SOS2: variants seen among roughly 807,000 people sequenced by gnomAD.
SOS2 encodes SOS Ras/Rho guanine nucleotide exchange factor 2.
SOS2 carries 65 observed loss-of-function variants against 148.2 expected under a neutral mutation model. The observed-to-expected ratio is 0.44, with a 90% confidence interval of 0.36 to 0.54. The LOEUF is 0.54. Among genes scored for constraint, SOS2 ranks in the 20% least tolerant of loss-of-function variants. The pLI, the probability that SOS2 is intolerant of heterozygous loss-of-function variation, is 0.00. For missense variants in SOS2, 1,341 were observed against 1,590.2 expected, an observed-to-expected ratio of 0.84 and a Z score of 2.67; for synonymous variants, 539 against 537.1, an observed-to-expected ratio of 1.00 and a Z score of -0.05.
chr14:50,178,670 GCATATATATATA>G (rs1472662654), intron 7 of SOS2, among the ~76,000 whole-genome samples: 2,803 of 67,954 alleles, frequency 0.041, 132 homozygotes, highest in African/African-American at 0.084. Context: ...GTGTGTGTGT[GCATATATATATA>G]TATATATATA....
At chr14:50,216,254 G>A (rs532002576) in intron 1 of SOS2, among the ~76,000 whole-genome samples, 14 of 151,436 alleles carry the variant, frequency 9.2e-5, no homozygotes, top group African/African-American at 2.7e-4. Context: ...GCACCATCAC[G>A]CCCAGCTAAT....
At chr14:50,226,367 A>T (rs1457351763) in intron 1 of SOS2, among the ~76,000 whole-genome samples, 1 of 152,178 alleles carries the variant, frequency 6.6e-6, no homozygotes, top group African/African-American at 2.4e-5. Flanking sequence ...ATTTTCTCAG[A>T]TCACCCTGTA....
chr14:50,173,089 G>A (rs1473847612), intron 8 of SOS2, among the ~76,000 whole-genome samples: 1 of 151,996 alleles, frequency 6.6e-6, no homozygotes, highest in Non-Finnish European at 1.5e-5. Context: ...TCCTATCTCA[G>A]CCTCCCAAGT....
chr14:50,178,173 C>A (rs1885587627), intron 7 of SOS2, among the ~76,000 whole-genome samples: 1 of 152,146 alleles, frequency 6.6e-6, no homozygotes, highest in Non-Finnish European at 1.5e-5. Context: ...CTGTAATCCC[C>A]AATTTTGGAG....
chr14:50,170,645 C>T (rs996902988), intron 8 of SOS2, among the ~76,000 whole-genome samples: 2 of 151,922 alleles, frequency 1.3e-5, no homozygotes, highest in Admixed American at 6.6e-5. Flanking sequence ...TGCATTCCAG[C>T]CTGGGTAACA....
At position 50,190,073 on chromosome 14, in the gene SOS2, G is replaced by C. The variant is rs1334581950; in HGVS notation, c.511-1373C>G. The stretch of plus-strand genomic sequence containing the variant: ...TCACCATGTTATTCAGGCTGGTCTC[G>C]AGCTTCTGACTTCAAGTGATCCACC... On this transcript the variant is annotated intron_variant, in intron 4 of 22. Transcript: ENST00000216373. Among the ~76,000 whole-genome samples the C allele has an allele frequency of 2.0e-5, 3 of 151,518 alleles. No individual in the cohort carries two copies. In the East Asian group the frequency reaches 5.8e-4, roughly 29 times the overall value.
intron 4 of SOS2, among the ~76,000 whole-genome samples, chr14:50,191,962 G>A (rs1004600321): frequency 2.6e-5 from 4 of 151,166 alleles, no homozygotes; most frequent in African/African-American, 9.7e-5. Context: ...ACCAGCCTGG[G>A]CAACAAAGAG....
intron 7 of SOS2, among the ~76,000 whole-genome samples, chr14:50,177,216 A>C (rs1190099711): frequency 6.6e-6 from 1 of 152,128 alleles, no homozygotes; most frequent in Admixed American, 6.6e-5. Flanking sequence ...GTCACTCAAG[A>C]GGCTAAGGCA....
At chr14:50,171,414 G>A (rs537412103) in intron 8 of SOS2, among the ~76,000 whole-genome samples, 8 of 152,058 alleles carry the variant, frequency 5.3e-5, no homozygotes, top group South Asian at 2.1e-4. Context: ...AGCCAGGCGC[G>A]GTGGCTCACC....
chr14:50,120,144 A>G (rs565440560), intron 22 of SOS2, 131 bp downstream of exon 22: 2 of 581,386 alleles, frequency 3.4e-6, no homozygotes, highest in South Asian at 4.7e-5. Flanking sequence ...GTATTTTTCA[A>G]ATATAACAAC....
At chr14:50,194,196 A>G (rs1886244848) in intron 4 of SOS2, among the ~76,000 whole-genome samples, 1 of 152,218 alleles carries the variant, frequency 6.6e-6, no homozygotes, top group Admixed American at 6.5e-5. Context: ...AACATAGCCC[A>G]TGCTCATTCA....
chr14:50,192,421 T>C (rs930801507), intron 4 of SOS2, among the ~76,000 whole-genome samples: 13 of 151,484 alleles, frequency 8.6e-5, no homozygotes, highest in Admixed American at 6.6e-4. Context: ...CCAGGCATGG[T>C]AGCACGCACC....
intron 19 of SOS2, among the ~76,000 whole-genome samples, chr14:50,132,281 C>T (rs1183937642): frequency 6.9e-6 from 1 of 143,932 alleles, no homozygotes; most frequent in East Asian, 2.1e-4. Flanking sequence ...CCTTGGGAGG[C>T]TGAGGCAGGA....
chr14:50,193,554 T>C (rs1204171147), intron 4 of SOS2, among the ~76,000 whole-genome samples: 1 of 152,264 alleles, frequency 6.6e-6, no homozygotes, highest in South Asian at 2.1e-4. Flanking sequence ...GAAATAGGGT[T>C]GATTCTCAAG....
chr14:50,189,215 C>A lies in SOS2; in HGVS notation c.511-515G>T, dbSNP rs543943264. Among the ~76,000 whole-genome samples the A allele has an allele frequency of 1.3e-4, 19 of 147,200 alleles. No homozygotes were observed. The South Asian group carries it at 3.8e-3, about 30-fold the overall frequency. On this transcript the variant is annotated intron_variant, in intron 4 of 22. Coordinates refer to ENST00000216373, the MANE Select transcript of SOS2 (RefSeq NM_006939.4). ...AAGGTGGGAAATATTCAAATAAAAT[C>A]GAGTATGGCAAAATAAATATTTCTG...
intron 22 of SOS2, among the ~76,000 whole-genome samples, chr14:50,119,226 C>G (rs1883415806): frequency 6.6e-6 from 1 of 152,212 alleles, no homozygotes; most frequent in African/African-American, 2.4e-5. Flanking sequence ...TCTACTGCTA[C>G]TTTCTCCAGT....
chr14:50,147,881 G>A (rs1566826817), intron 14 of SOS2, among the ~76,000 whole-genome samples: 1 of 152,140 alleles, frequency 6.6e-6, no homozygotes, highest in Non-Finnish European at 1.5e-5. Flanking sequence ...CAGCACCTGG[G>A]AGGCCAAGGC....
Position 50,159,600 on chromosome 14 carries a change from A to G in SOS2, c.1683T>C (p.Asn561=). Reference sequence around the variant, plus strand: ...GACTTGGTAATCTCAGTGGTTGCTCATTTTCTTCTTTCAATAATACTGAAT... The same window carrying G: ...GACTTGGTAATCTCAGTGGTTGCTCGTTTTCTTCTTTCAATAATACTGAAT... ...MLDSVLLKEE[N]EQPLRLPSPE... The change falls in exon 10 of 23, where the codon AAT becomes AAC. Residue 561 remains asparagine, a synonymous_variant. Coordinates refer to ENST00000216373, the MANE Select transcript of SOS2 (RefSeq NM_006939.4). The G allele has an allele frequency of 6.2e-7, 1 of 1,613,902 alleles. No homozygotes were observed. The highest frequency in any genetic ancestry group is 8.5e-7 in the Non-Finnish European group (1 of 1,179,888).
At chr14:50,225,994 G>C (rs566038648) in intron 1 of SOS2, among the ~76,000 whole-genome samples, 8 of 149,212 alleles carry the variant, frequency 5.4e-5, no homozygotes, top group African/African-American at 2.0e-4. Flanking sequence ...TTTCCCCTCA[G>C]CCTCAAATCC....
Sources: allele counts gnomAD v4.1 joint callset (sites outside exome capture counted in the v4.1 genomes callset), GRCh38; gene constraint gnomAD v4.1.1; transcripts MANE v1.5; gene names NCBI Gene and HGNC (gene_info 2026-07-23, HGNC 2026-07-21).